Variants in SH3GL3 observed in about 807,000 individuals in gnomAD.
The protein encoded by SH3GL3 is SH3 domain containing GRB2 like 3, endophilin A3.
SH3GL3 carries 33 observed loss-of-function variants against 47.7 expected under a neutral mutation model. The ratio of observed to expected loss-of-function variants is 0.69; its 90% CI spans 0.52 to 0.92. The LOEUF is 0.92. Among genes scored for constraint, SH3GL3 ranks in the 40% least tolerant of loss-of-function variants. The pLI is 0.00. For synonymous variants in SH3GL3, 155 were observed against 148.8 expected, an observed-to-expected ratio of 1.04 and a Z score of -0.30; for missense variants, 363 against 417.8, an observed-to-expected ratio of 0.87 and a Z score of 1.14.
the SH3GL3 span, among the ~76,000 whole-genome samples, chr15:83,627,608 A>G: frequency 6.6e-6 from 1 of 151,752 alleles, no homozygotes; most frequent in Non-Finnish European, 1.5e-5. Flanking sequence ...CTTTTTTTTT[A>G]TGGTATGTCT....
intron 8 of SH3GL3, among the ~76,000 whole-genome samples, chr15:83,590,829 T>C (rs1327037396): frequency 6.6e-6 from 1 of 152,206 alleles, no homozygotes; most frequent in Non-Finnish European, 1.5e-5. Context: ...GTTCTTTCTA[T>C]ATATGTGATT....
At chr15:83,573,914 C>G (rs2059600588) in intron 5 of SH3GL3, among the ~76,000 whole-genome samples, 1 of 152,188 alleles carries the variant, frequency 6.6e-6, no homozygotes, top group African/African-American at 2.4e-5. Context: ...ATACCATGCA[C>G]TTTGACAGTT....
chr15:83,536,051 G>A (rs1192897920), intron 1 of SH3GL3, among the ~76,000 whole-genome samples: 2 of 152,186 alleles, frequency 1.3e-5, no homozygotes, highest in Non-Finnish European at 2.9e-5. Flanking sequence ...TATGCAAAAA[G>A]TGAATACAAG....
In SH3GL3 at chr15:83,528,640, G is replaced by C. The variant is rs928749829; in HGVS notation, c.46-30613G>C. Reference sequence around the variant, plus strand: ...CATATATTGAATTCTTCAGTTCCAGGATTTCTGTTTTGTTCTTTTTTTCAT... The same window carrying C: ...CATATATTGAATTCTTCAGTTCCAGCATTTCTGTTTTGTTCTTTTTTTCAT... On this transcript the variant is annotated intron_variant, in intron 1 of 8. Transcript: ENST00000427482. Among the ~76,000 whole-genome samples the C allele has an allele frequency of 3.3e-5, 5 of 151,822 alleles. No individual in the cohort carries two copies. In the East Asian group the frequency reaches 9.6e-4, roughly 29 times the overall value.
chr15:83,553,547 T>C (rs1215850350), intron 1 of SH3GL3, among the ~76,000 whole-genome samples: 1 of 152,214 alleles, frequency 6.6e-6, no homozygotes, highest in African/African-American at 2.4e-5. Context: ...ATACTGGTTT[T>C]CTAACAGTGT....
At chr15:83,456,197 C>A (rs1596002339) in intron 1 of SH3GL3, among the ~76,000 whole-genome samples, 1 of 47,346 alleles carries the variant, frequency 2.1e-5, no homozygotes, top group African/African-American at 7.5e-5. Context: ...CTGGGAGAAC[C>A]ACTGCTCTCT....
At chr15:83,503,176 CATT>C (rs1386984585) in intron 1 of SH3GL3, among the ~76,000 whole-genome samples, 4 of 151,876 alleles carry the variant, frequency 2.6e-5, no homozygotes, top group Non-Finnish European at 5.9e-5. Context: ...AAGAAAAAAA[CATT>C]ATAAAATACA....
At position 83,590,052 on chromosome 15, in the gene SH3GL3, TTAATTTG is replaced by T. The variant is rs1228552013; in HGVS notation, c.838+1284_838+1290del. On this transcript the variant is annotated intron_variant, in intron 8 of 8. Transcript: ENST00000427482. The stretch of plus-strand genomic sequence containing the variant: ...GAGGGTGAACTTTCTTTTCTATATT[TTAATTTG>T]TATTTCCTTATGTCTGAATTGTCTG... Among the ~76,000 whole-genome samples the T allele has an allele frequency of 2.6e-5, 4 of 152,332 alleles. No homozygotes were observed. The East Asian group carries it at 7.7e-4, about 29-fold the overall frequency.
At chr15:83,466,942 A>G (rs2040596152) in intron 1 of SH3GL3, among the ~76,000 whole-genome samples, 1 of 152,206 alleles carries the variant, frequency 6.6e-6, no homozygotes, top group Admixed American at 6.5e-5. Flanking sequence ...TATTATAGAT[A>G]TTAGTCCTCT....
chr15:83,629,664 T>G, the SH3GL3 span, among the ~76,000 whole-genome samples: 1 of 151,892 alleles, frequency 6.6e-6, no homozygotes, highest in Non-Finnish European at 1.5e-5. Flanking sequence ...TACAAAAAAG[T>G]TAAAAATTAT....
chr15:83,591,962 C>T (rs564555671), intron 8 of SH3GL3, among the ~76,000 whole-genome samples: 1 of 152,272 alleles, frequency 6.6e-6, no homozygotes, highest in East Asian at 1.9e-4. Context: ...TGTGAGCCAC[C>T]AGGCCGGGCC....
rs560509220 is a variant in SH3GL3, at chr15:83,471,126, T to C, written c.45+23548T>C. On this transcript the variant is annotated intron_variant, in intron 1 of 8. Transcript: ENST00000427482. ...GATGTTCCAAGATTCTGTTTTTTAT[T>C]GTTTCTTTTAGTTTAGAGAACTTTC... 6.8e-4 allele frequency among the ~76,000 whole-genome samples: 104 copies of C among 152,316 alleles called. 5 individuals are homozygous for C. The South Asian group carries it at 0.018, about 26-fold the overall frequency.
intron 1 of SH3GL3, among the ~76,000 whole-genome samples, chr15:83,532,369 A>T (rs961557684): frequency 1.3e-5 from 2 of 152,214 alleles, no homozygotes; most frequent in Non-Finnish European, 2.9e-5. Flanking sequence ...AACATGATAG[A>T]AGGCCAAGGT....
chr15:83,491,708 A>C (rs2041880757), intron 1 of SH3GL3, among the ~76,000 whole-genome samples: 1 of 152,196 alleles, frequency 6.6e-6, no homozygotes, highest in South Asian at 2.1e-4. Flanking sequence ...ACCCTGCTTC[A>C]AATCTGCTGG....
chr15:83,559,128 G>A (rs1409196180), intron 1 of SH3GL3, 125 bp from the exon 2 acceptor site: 4 of 633,442 alleles, frequency 6.3e-6, no homozygotes, highest in East Asian at 5.5e-5. Flanking sequence ...TTTTCTTAAA[G>A]GAGTTAGTTC....
intron 1 of SH3GL3, among the ~76,000 whole-genome samples, chr15:83,549,769 G>A (rs1278754716): frequency 6.6e-6 from 1 of 152,038 alleles, no homozygotes; most frequent in African/African-American, 2.4e-5. Flanking sequence ...TTATATCCTG[G>A]TTTCCTTGGT....
intron 1 of SH3GL3, among the ~76,000 whole-genome samples, chr15:83,524,121 C>T (rs1372428622): frequency 6.6e-6 from 1 of 152,168 alleles, no homozygotes; most frequent in Non-Finnish European, 1.5e-5. Flanking sequence ...GAGAAGGTGA[C>T]AGTGGATACT....
chr15:83,489,536 T>C (rs2041768834), intron 1 of SH3GL3, among the ~76,000 whole-genome samples: 1 of 152,204 alleles, frequency 6.6e-6, no homozygotes, highest in South Asian at 2.1e-4. Context: ...GGCAGGTTTA[T>C]GTATTTGCAA....
At chr15:83,607,879 TAC>T (rs1567034267) in intron 8 of SH3GL3, among the ~76,000 whole-genome samples, 9 of 140,514 alleles carry the variant, frequency 6.4e-5, no homozygotes, top group African/African-American at 2.4e-4. Flanking sequence ...ATAATAATAA[TAC>T]AAACAACAAC....
Sources: allele counts gnomAD v4.1 joint callset (sites outside exome capture counted in the v4.1 genomes callset), GRCh38; gene constraint gnomAD v4.1.1; transcripts MANE v1.5; gene names NCBI Gene and HGNC (gene_info 2026-07-23, HGNC 2026-07-21).